The following SORCS2 variants were observed in gnomAD, a reference collection of about 807,000 sequenced individuals.
SORCS2 encodes VPS10 domain-containing receptor SorCS2.
Under a neutral mutation model 141.6 loss-of-function variants are expected in SORCS2, and 100 were observed. The ratio of observed to expected loss-of-function variants is 0.71; its 90% CI spans 0.60 to 0.83. The LOEUF is 0.83. Among genes scored for constraint, SORCS2 ranks in the 40% least tolerant of loss-of-function variants. The pLI is 0.00. For synonymous variants in SORCS2, 789 were observed against 676.9 expected, an observed-to-expected ratio of 1.17 and a Z score of -2.57; for missense variants, 1,646 against 1,560.2, an observed-to-expected ratio of 1.05 and a Z score of -0.93.
chr4:7,296,863 C>G (rs1208128286), intron 1 of SORCS2, among the ~76,000 whole-genome samples: 1 of 152,186 alleles, frequency 6.6e-6, no homozygotes, highest in Non-Finnish European at 1.5e-5. Flanking sequence ...CTCTCGGGGA[C>G]AGAAGAGGCA....
At chr4:7,225,817 C>T (rs1450945014) in intron 1 of SORCS2, among the ~76,000 whole-genome samples, 3 of 152,154 alleles carry the variant, frequency 2.0e-5, no homozygotes, top group South Asian at 2.1e-4. Context: ...GCGTGGTGTC[C>T]GTACAGCAGT....
At chr4:7,211,063 G>T (rs1577279626) in intron 1 of SORCS2, among the ~76,000 whole-genome samples, 1 of 152,222 alleles carries the variant, frequency 6.6e-6, no homozygotes, top group Non-Finnish European at 1.5e-5. Flanking sequence ...AAAATCACTT[G>T]TGCAAGAAAT....
At chr4:7,350,286 G>T (rs545628424) in intron 1 of SORCS2, among the ~76,000 whole-genome samples, 37 of 152,330 alleles carry the variant, frequency 2.4e-4, no homozygotes, top group African/African-American at 8.9e-4. Flanking sequence ...ACAATTAGGG[G>T]ACAGTGTCAG....
intron 17 of SORCS2, among the ~76,000 whole-genome samples, chr4:7,715,593 AG>A (rs1436320093): frequency 1.3e-5 from 2 of 152,240 alleles, no homozygotes; most frequent in Non-Finnish European, 2.9e-5. Context: ...GCCAGGAGAA[AG>A]CTGCCTTGAG....
chr4:7,270,432 C>T (rs1424093496), intron 1 of SORCS2, among the ~76,000 whole-genome samples: 3 of 152,260 alleles, frequency 2.0e-5, no homozygotes, highest in African/African-American at 2.4e-5. Flanking sequence ...TTTCTGTTTG[C>T]ACCACCTGAT....
rs1724077859 is a variant in SORCS2 at position 7,689,475 on chromosome 4, C to G, written c.1489-11C>G. On this transcript the variant is annotated splice_polypyrimidine_tract_variant and intron_variant, in intron 10 of 26. Transcript: ENST00000507866. ...ATGTGTTGACAGTTGCGTCCTTTCT[C>G]TTCCTTGCAGCCAGACTGCCACCTG... 1.9e-6 allele frequency: 3 copies of G among 1,583,110 alleles called. No individual in the cohort carries two copies. The highest frequency in any genetic ancestry group is 2.6e-6 in the Non-Finnish European group (3 of 1,165,100).
At chr4:7,272,552 G>C (rs1715213500) in intron 1 of SORCS2, among the ~76,000 whole-genome samples, 1 of 152,200 alleles carries the variant, frequency 6.6e-6, no homozygotes, top group East Asian at 1.9e-4. Context: ...AACAGGCTAG[G>C]ACCTGCTGTA....
At chr4:7,629,785 C>A (rs560176274) in intron 3 of SORCS2, among the ~76,000 whole-genome samples, 1 of 152,106 alleles carries the variant, frequency 6.6e-6, no homozygotes, top group East Asian at 1.9e-4. Context: ...CTTGGGTGTA[C>A]CTCAGGAACC....
chr4:7,498,034 G>A (rs751924808), intron 2 of SORCS2, among the ~76,000 whole-genome samples: 1 of 152,268 alleles, frequency 6.6e-6, no homozygotes, highest in Non-Finnish European at 1.5e-5. Context: ...ATCTCCTCCA[G>A]TTTGACCAGG....
rs1278235154 is a variant in SORCS2, at chr4:7,650,715, TCCCCG to T, written c.814-3410_814-3406del. On this transcript the variant is annotated intron_variant, in intron 4 of 26. Transcript: ENST00000507866. ...CCCCGCCTCCCTCTCCAGCCCTCTC[TCCCCG>T]CCCCGCCCAGCCCAGCCCAGCCCAG... is the stretch of plus-strand genomic sequence containing the variant. Among the ~76,000 whole-genome samples the T allele has an allele frequency of 1.0e-4, 6 of 58,114 alleles. No homozygotes were observed. The South Asian group carries it at 4.4e-3, about 42-fold the overall frequency. 38.1% of individuals were successfully genotyped at this position (58,114 alleles called of 152,430 possible).
rs564993490 is a variant in SORCS2 at position 7,279,596 on chromosome 4, G to A, written c.480+86470G>A. 1.8e-4 allele frequency among the ~76,000 whole-genome samples: 27 copies of A among 152,320 alleles called. 1 individual carries two copies. The East Asian group carries it at 5.2e-3, about 29-fold the overall frequency. ...CAGAAACCAAGACAGCCAGTTCAAG[G>A]GCGATCTTCCCTGCATTATCAAGGC... is the stretch of plus-strand genomic sequence containing the variant. On this transcript the variant is annotated intron_variant, in intron 1 of 26. Coordinates refer to ENST00000507866, the MANE Select transcript of SORCS2 (RefSeq NM_020777.3).
chr4:7,476,426 A>G (rs2109357957), intron 2 of SORCS2, among the ~76,000 whole-genome samples: 1 of 152,166 alleles, frequency 6.6e-6, no homozygotes, highest in South Asian at 2.1e-4. Context: ...GTTTGCTCTC[A>G]ATGCCTTCAA....
At chr4:7,340,351 T>C (rs992082309) in intron 1 of SORCS2, among the ~76,000 whole-genome samples, 2 of 152,152 alleles carry the variant, frequency 1.3e-5, no homozygotes, top group Non-Finnish European at 1.5e-5. Flanking sequence ...TGTCAGGATG[T>C]GAGATGTTTG....
rs151001534 is a variant in SORCS2 at position 7,475,736 on chromosome 4, A to G, written c.549-55794A>G. Among the ~76,000 whole-genome samples, 885 of 152,346 alleles carry G rather than the reference A, an allele frequency of 5.8e-3. 13 individuals carry two copies. Among genetic ancestry groups the G allele is most frequent in the African/African-American group, 0.02 (834 of 41,582 alleles). ...CACATACACACACATGCACATATAC[A>G]TGACCCCTGCTCCCCGCTCTTACTG... is the stretch of plus-strand genomic sequence containing the variant. On this transcript the variant is annotated intron_variant, in intron 2 of 26. Coordinates refer to ENST00000507866, the MANE Select transcript of SORCS2 (RefSeq NM_020777.3).
chr4:7,385,102 T>A (rs1417760631), intron 1 of SORCS2, among the ~76,000 whole-genome samples: 1 of 151,320 alleles, frequency 6.6e-6, no homozygotes, highest in Non-Finnish European at 1.5e-5. Context: ...CACTCAGGGG[T>A]GTATGGGTAG....
chr4:7,573,363 C>T (rs766741521), intron 3 of SORCS2, among the ~76,000 whole-genome samples: 35 of 152,166 alleles, frequency 2.3e-4, no homozygotes, highest in Non-Finnish European at 3.4e-4. Context: ...GGCAAGACCT[C>T]GGTTACTGTG....
At chr4:7,375,589 G>T (rs1722587693) in intron 1 of SORCS2, among the ~76,000 whole-genome samples, 1 of 152,228 alleles carries the variant, frequency 6.6e-6, no homozygotes, top group South Asian at 2.1e-4. Flanking sequence ...TTCCTCGATT[G>T]CATGGAGGAA....
intron 2 of SORCS2, among the ~76,000 whole-genome samples, chr4:7,518,792 C>T (rs1256691503): frequency 1.3e-5 from 2 of 152,216 alleles, no homozygotes; most frequent in Non-Finnish European, 2.9e-5. Context: ...TCTACCTGGC[C>T]ATAAACTCAG....
intron 1 of SORCS2, among the ~76,000 whole-genome samples, chr4:7,271,175 A>G (rs1188597932): frequency 6.6e-6 from 1 of 152,156 alleles, no homozygotes; most frequent in African/African-American, 2.4e-5. Flanking sequence ...CTCTGTGCCC[A>G]GCAGCAGCCA....
Sources: allele counts gnomAD v4.1 joint callset (sites outside exome capture counted in the v4.1 genomes callset), GRCh38; gene constraint gnomAD v4.1.1; transcripts MANE v1.5; gene names NCBI Gene and HGNC (gene_info 2026-07-23, HGNC 2026-07-21).